The following LRRC4C variants were observed in gnomAD, a reference collection of about 807,000 sequenced individuals.
LRRC4C encodes leucine-rich repeat-containing protein 4C.
In LRRC4C, 5 loss-of-function variants were observed where a neutral mutation model predicts 33.6. The observed-to-expected ratio is 0.15, with a 90% confidence interval of 0.08 to 0.31. LRRC4C has a LOEUF of 0.31. Among genes scored for constraint, LRRC4C ranks in the 10% least tolerant of loss-of-function variants. The probability of loss-of-function intolerance (pLI) is 1.00; values close to 1 mark genes in which losing one functional copy is unlikely to be tolerated. For missense variants in LRRC4C, 560 were observed against 796.7 expected (o/e 0.70, Z 3.58); for synonymous variants, 329 against 302.0 (o/e 1.09, Z -0.93).
At chr11:40,579,950 T>G (rs1384721409) in intron 3 of LRRC4C, among the ~76,000 whole-genome samples, 1 of 152,248 alleles carries the variant, frequency 6.6e-6, no homozygotes, top group Admixed American at 6.5e-5. Flanking sequence ...GTAACTCACC[T>G]GAGACTGGCA....
At chr11:40,449,119 G>A (rs1951774204) in intron 3 of LRRC4C, among the ~76,000 whole-genome samples, 1 of 151,710 alleles carries the variant, frequency 6.6e-6, no homozygotes, top group South Asian at 2.1e-4. Flanking sequence ...GTAAATTTAA[G>A]TTCTTGGTAG....
intron 2 of LRRC4C, among the ~76,000 whole-genome samples, chr11:40,793,473 C>T (rs1161256142): frequency 6.6e-6 from 1 of 152,246 alleles, no homozygotes; most frequent in Non-Finnish European, 1.5e-5. Flanking sequence ...TCAGTAAAAG[C>T]AATTAAAACT....
chr11:40,135,875 A>G (rs1241972174), intron 6 of LRRC4C, among the ~76,000 whole-genome samples: 3 of 152,234 alleles, frequency 2.0e-5, no homozygotes, highest in Admixed American at 2.0e-4. Flanking sequence ...TTTAATAAGA[A>G]ATCAGTGTGT....
At chr11:40,418,854 C>T (rs1241690708) in intron 3 of LRRC4C, among the ~76,000 whole-genome samples, 1 of 152,134 alleles carries the variant, frequency 6.6e-6, no homozygotes, top group African/African-American at 2.4e-5. Flanking sequence ...CCATTATCTT[C>T]AGCAAACTAA....
At chr11:40,414,640 TC>T (rs1256573038) in intron 3 of LRRC4C, among the ~76,000 whole-genome samples, 1 of 152,114 alleles carries the variant, frequency 6.6e-6, no homozygotes, top group East Asian at 1.9e-4. Context: ...CTGTTCTTTT[TC>T]TTTGTGTGGC....
At position 41,162,694 on chromosome 11, in the gene LRRC4C, GAT is replaced by G. The variant is rs537292234; in HGVS notation, c.-495-228973_-495-228972del. Among the ~76,000 whole-genome samples, 940 of 152,220 alleles carry G rather than the reference GAT, an allele frequency of 6.2e-3. 14 individuals carry two copies. Among genetic ancestry groups the G allele is most frequent in the African/African-American group, 0.021 (892 of 41,536 alleles). ...GGTACAGTAAAAACATAGTATAAAA[GAT>G]AAAAAATAGTACAACTGTATCAGGC... On this transcript the variant is annotated intron_variant, in intron 1 of 6. Coordinates refer to ENST00000528697, the MANE Select transcript of LRRC4C (RefSeq NM_001258419.2).
At chr11:41,068,117 G>A (rs867225083) in intron 1 of LRRC4C, among the ~76,000 whole-genome samples, 4 of 152,218 alleles carry the variant, frequency 2.6e-5, no homozygotes, top group Non-Finnish European at 5.9e-5. Flanking sequence ...ATGAGGCCAG[G>A]TGTGGTGGCT....
intron 1 of LRRC4C, among the ~76,000 whole-genome samples, chr11:41,040,183 T>G (rs1857347796): frequency 6.7e-6 from 1 of 149,266 alleles, no homozygotes; most frequent in Admixed American, 6.7e-5. Context: ...GTTTAGGGGA[T>G]GTACATGGGG....
chr11:40,766,073 A>C, intron 2 of LRRC4C, among the ~76,000 whole-genome samples: 1 of 121,018 alleles, frequency 8.3e-6, no homozygotes, highest in Non-Finnish European at 1.8e-5. Flanking sequence ...AAAGATCCTA[A>C]AAGCAGCAAG....
At chr11:40,340,540 C>T (rs1316503592) in intron 3 of LRRC4C, among the ~76,000 whole-genome samples, 3 of 152,042 alleles carry the variant, frequency 2.0e-5, no homozygotes, top group African/African-American at 7.2e-5. Context: ...GTATAAAATA[C>T]AATAAATGTG....
At chr11:41,431,984 C>A (rs550934175) in intron 1 of LRRC4C, among the ~76,000 whole-genome samples, 1 of 152,054 alleles carries the variant, frequency 6.6e-6, no homozygotes. Flanking sequence ...AAAATGGATT[C>A]ATTTCCGCTA....
At chr11:41,240,481 G>C (rs1294661183) in intron 1 of LRRC4C, among the ~76,000 whole-genome samples, 1 of 152,156 alleles carries the variant, frequency 6.6e-6, no homozygotes, top group Non-Finnish European at 1.5e-5. Context: ...CCAAGAGAAA[G>C]AGGCTATTAT....
In LRRC4C at chr11:40,780,039, T is replaced by C. The variant is rs987935820; in HGVS notation, c.-406-131761A>G. 5.3e-5 allele frequency among the ~76,000 whole-genome samples: 8 copies of C among 152,176 alleles called. 1 individual carries two copies. The highest frequency in any genetic ancestry group is 5.2e-4 in the Admixed American group (8 of 15,274). On this transcript the variant is annotated intron_variant, in intron 2 of 6. Transcript: ENST00000528697. The stretch of plus-strand genomic sequence containing the variant: ...CTAGCAGAATGGTTCGATTTCTTCA[T>C]CTTTAAAATAAGACTTAAATAGTGT...
chr11:40,835,619 T>C (rs770907977), intron 2 of LRRC4C, among the ~76,000 whole-genome samples: 1 of 152,202 alleles, frequency 6.6e-6, no homozygotes, highest in Non-Finnish European at 1.5e-5. Context: ...TGATGTACTT[T>C]ATCATTGACA....
chr11:40,811,019 C>T (rs1451397668), intron 2 of LRRC4C, among the ~76,000 whole-genome samples: 1 of 152,212 alleles, frequency 6.6e-6, no homozygotes, highest in African/African-American at 2.4e-5. Flanking sequence ...CTGTCTTTCT[C>T]TCCAAACTTG....
At chr11:41,188,931 T>A (rs1276645863) in intron 1 of LRRC4C, among the ~76,000 whole-genome samples, 1 of 139,126 alleles carries the variant, frequency 7.2e-6, no homozygotes, top group South Asian at 2.6e-4. Context: ...GTATAATTTA[T>A]GTTGGCAATT....
chr11:40,218,155 T>TA (rs1304299834), intron 5 of LRRC4C, among the ~76,000 whole-genome samples: 1 of 152,204 alleles, frequency 6.6e-6, no homozygotes, highest in Non-Finnish European at 1.5e-5. Flanking sequence ...TTTATATAAC[T>TA]AATGTTTTTT....
intron 2 of LRRC4C, among the ~76,000 whole-genome samples, chr11:40,722,940 C>T (rs1419694116): frequency 6.6e-6 from 1 of 152,118 alleles, no homozygotes; most frequent in Admixed American, 6.5e-5. Flanking sequence ...AAATTCACTA[C>T]AGGAATTTCA....
intron 2 of LRRC4C, among the ~76,000 whole-genome samples, chr11:40,842,421 T>A (rs1591855708): frequency 6.6e-6 from 1 of 152,182 alleles, no homozygotes; most frequent in African/African-American, 2.4e-5. Context: ...ATTTTAAAAT[T>A]GACAAATAAT....
Sources: gnomAD v4.1 joint callset for allele counts (sites outside exome capture counted in the v4.1 genomes callset) on GRCh38, gnomAD v4.1.1 for gene constraint, MANE v1.5 for transcripts, NCBI Gene and HGNC (gene_info 2026-07-23, HGNC 2026-07-21) for gene names.